The following MTMR2 variants were observed in gnomAD, a reference collection of about 807,000 sequenced individuals.
The protein encoded by MTMR2 is phosphatidylinositol-3,5-bisphosphate 3-phosphatase MTMR2.
MTMR2 carries 55 observed loss-of-function variants against 86.9 expected under a neutral mutation model. The observed-to-expected ratio is 0.63, with a 90% CI of 0.51 to 0.79. MTMR2 has a LOEUF of 0.79. Ranked by LOEUF, MTMR2 falls within the 30% of genes least tolerant of loss-of-function variation. The pLI is 0.00. For missense variants in MTMR2, 659 were observed against 772.3 expected (o/e 0.85, Z 1.74); for synonymous variants, 241 against 266.8 (o/e 0.90, Z 0.94).
At chr11:95,891,892 C>G (rs1380812327) in intron 1 of MTMR2, among the ~76,000 whole-genome samples, 1 of 151,762 alleles carries the variant, frequency 6.6e-6, no homozygotes, top group Non-Finnish European at 1.5e-5. Flanking sequence ...GAGAGGGAGA[C>G]AGAGAGAGCA....
chr11:95,923,753 G>T (rs1303651777), intron 1 of MTMR2, 122 bp downstream of exon 1: 3 of 1,482,346 alleles, frequency 2.0e-6, no homozygotes, highest in Admixed American at 2.3e-5. Flanking sequence ...AAGTCCCGGG[G>T]AAGGAATTCC....
At chr11:95,897,693 T>C (rs1479933667) in intron 1 of MTMR2, among the ~76,000 whole-genome samples, 1 of 152,184 alleles carries the variant, frequency 6.6e-6, no homozygotes, top group African/African-American at 2.4e-5. Context: ...CTATTTCAAA[T>C]GTCCTACATT....
In MTMR2 at chr11:95,841,635, GAC is replaced by G. The variant is rs758637255; in HGVS notation, c.1459_1460del (p.Val487LeufsTer12). The G allele has an allele frequency of 6.2e-7, 1 of 1,612,532 alleles. No homozygotes were observed. Among genetic ancestry groups the G allele is most frequent in the South Asian group, 1.1e-5 (1 of 91,062 alleles). ...SPVFLQFIDCVWQMTRQFPTA... is the reference protein window; with the variant it reads ...SPVFLQFIDCXWQMTRQFPTA... The stretch of plus-strand genomic sequence containing the variant: ...AAATTACCTGTCTTGTCATCTGCCA[GAC>G]ACAGTCAATAAATTGAAGAAAAACA... On this transcript the variant is annotated frameshift_variant, in exon 12 of 15. Coordinates refer to ENST00000346299, the MANE Select transcript of MTMR2 (RefSeq NM_016156.6). LOFTEE classifies it high-confidence loss of function.
At chr11:95,863,104 C>T (rs1342777536) in intron 3 of MTMR2, among the ~76,000 whole-genome samples, 2 of 152,102 alleles carry the variant, frequency 1.3e-5, no homozygotes, top group Non-Finnish European at 2.9e-5. Flanking sequence ...TTTAAAATGC[C>T]ACAGTTCATA....
chr11:95,855,303 T>A (rs1247553622), intron 7 of MTMR2, among the ~76,000 whole-genome samples: 1 of 152,226 alleles, frequency 6.6e-6, no homozygotes, highest in Non-Finnish European at 1.5e-5. Context: ...TTGCCCAAGC[T>A]TGAGTGCAGT....
chr11:95,903,026 G>A (rs1416551237), intron 1 of MTMR2, among the ~76,000 whole-genome samples: 2 of 152,134 alleles, frequency 1.3e-5, no homozygotes, highest in Non-Finnish European at 2.9e-5. Flanking sequence ...AATTCTTACT[G>A]ATTCCAATTT....
intron 1 of MTMR2, among the ~76,000 whole-genome samples, chr11:95,888,573 G>A: frequency 6.6e-6 from 1 of 152,030 alleles, no homozygotes; most frequent in Non-Finnish European, 1.5e-5. Flanking sequence ...GTGGTCCAAT[G>A]TACAAAACCA....
In MTMR2 at chr11:95,835,311, A is replaced by G; in HGVS notation, c.1911T>C (p.Thr637=). The change falls in exon 15 of 15, where the codon ACT becomes ACC. Residue 637 remains threonine (T), a synonymous_variant. Transcript: ENST00000346299. ...TCCTTTATACAACAGTTTGGACAGG[A>G]GTGACACACTGTGCAGGAGAGCTGG... The part of the protein sequence containing the change: ...ERASSPAQCV[T]PVQTVV 6.2e-7 allele frequency: 1 copy of G among 1,612,956 alleles called. No homozygotes were observed. The highest frequency in any genetic ancestry group is 8.5e-7 in the Non-Finnish European group (1 of 1,179,238).
chr11:95,876,825 C>G (rs1422898401), intron 2 of MTMR2, among the ~76,000 whole-genome samples: 6 of 152,062 alleles, frequency 3.9e-5, no homozygotes, highest in East Asian at 1.9e-4. Context: ...TCTTCTCTCC[C>G]TCTCTCTTTC....
intron 1 of MTMR2, among the ~76,000 whole-genome samples, chr11:95,915,188 G>A (rs1328921690): frequency 6.6e-6 from 1 of 151,970 alleles, no homozygotes; most frequent in Non-Finnish European, 1.5e-5. Context: ...AACTTTGCTG[G>A]GCTTCTTGGC....
chr11:95,923,680 G>T lies in MTMR2; in HGVS notation c.80+195C>A, dbSNP rs1437247813. 4 of 1,427,960 alleles carry T rather than the reference G, an allele frequency of 2.8e-6. No homozygotes were observed. The African/African-American group carries it at 5.7e-5, about 21-fold the overall frequency. 88.5% of individuals were successfully genotyped at this position (1,427,960 alleles called of 1,614,324 possible). ...AGGTAGAGGAATCGATAAAGAAGCA[G>T]CGAGTTTTAACCTCCTTTTCCTCAG... On this transcript the variant is annotated intron_variant, in intron 1 of 14. Transcript: ENST00000346299.
At chr11:95,836,436 G>A in intron 13 of MTMR2, 112 bp from the exon 14 acceptor site, 1 of 1,003,120 alleles carries the variant, frequency 1.0e-6, no homozygotes, top group Non-Finnish European at 1.5e-6. Context: ...AGAGGAAGTG[G>A]ACTTGGAGAC....
chr11:95,838,395 C>G (rs571514280), intron 12 of MTMR2, among the ~76,000 whole-genome samples, 188 bp from the exon 13 acceptor site: 70 of 152,130 alleles, frequency 4.6e-4, no homozygotes, highest in African/African-American at 1.5e-3. Flanking sequence ...CTTTTCTGAT[C>G]ATGATGTTTC....
rs536887976 is a variant in MTMR2 at position 95,921,399 on chromosome 11, T to C, written c.80+2476A>G. ...ATCATTTCTGCAAAAACTGAGATAA[T>C]ATAGGCCAAACAGCAATAATTTTGC... On this transcript the variant is annotated intron_variant, in intron 1 of 14. Transcript: ENST00000346299. Among the ~76,000 whole-genome samples the C allele has an allele frequency of 2.6e-5, 4 of 152,246 alleles. No homozygotes were observed. The East Asian group carries it at 5.8e-4, about 22-fold the overall frequency.
chr11:95,888,492 G>C lies in MTMR2; in HGVS notation c.81-231C>G, dbSNP rs544065968. ...TGGATAGACTCCCAATACTCATGAA[G>C]ACACTCCAGGCTAATTCCTTCTTTT... On this transcript the variant is annotated intron_variant, in intron 1 of 14. Transcript: ENST00000346299. 2.0e-5 allele frequency among the ~76,000 whole-genome samples: 3 copies of C among 152,238 alleles called. No homozygotes were observed. The East Asian group carries it at 5.8e-4, about 29-fold the overall frequency.
At chr11:95,918,124 C>T (rs1391433312) in intron 1 of MTMR2, among the ~76,000 whole-genome samples, 8 of 152,186 alleles carry the variant, frequency 5.3e-5, no homozygotes, top group Non-Finnish European at 8.8e-5. Context: ...TTTTACAGTA[C>T]TTCTAACATA....
intron 7 of MTMR2, among the ~76,000 whole-genome samples, chr11:95,856,549 A>T (rs527657411): frequency 2.4e-4 from 37 of 152,078 alleles, no homozygotes; most frequent in African/African-American, 8.9e-4. Flanking sequence ...GCCAAAAAAA[A>T]AAAAGCCAAC....
chr11:95,906,595 T>A (rs1342762903), intron 1 of MTMR2, among the ~76,000 whole-genome samples: 2 of 152,152 alleles, frequency 1.3e-5, no homozygotes, highest in Non-Finnish European at 2.9e-5. Flanking sequence ...ATTCTTCTCA[T>A]ATGCACATGG....
intron 12 of MTMR2, 66 bp downstream of exon 12, chr11:95,841,551 A>T: frequency 8.4e-7 from 1 of 1,187,474 alleles, no homozygotes; most frequent in South Asian, 1.2e-5. Context: ...TCAGTGACCA[A>T]ATCTCCCCAC....
Sources: allele counts gnomAD v4.1 joint callset (sites outside exome capture counted in the v4.1 genomes callset), GRCh38; gene constraint gnomAD v4.1.1; transcripts MANE v1.5; gene names NCBI Gene and HGNC (gene_info 2026-07-23, HGNC 2026-07-21).